The following MICU2 variants were observed in gnomAD, a reference collection of about 807,000 sequenced individuals.
MICU2 encodes the protein calcium uptake protein 2, mitochondrial.
A neutral mutation model predicts 60.4 loss-of-function variants in MICU2; 64 were observed. The ratio of observed to expected loss-of-function variants is 1.06; its 90% CI spans 0.87 to 1.31. The LOEUF is 1.31. MICU2 is among the 50% of genes most tolerant of loss of function. MICU2 has a pLI of 0.00. For missense variants in MICU2, 569 were observed against 531.0 expected (o/e 1.07, Z -0.70); for synonymous variants, 201 against 175.0 (o/e 1.15, Z -1.17).
At chr13:21,598,576 C>T (rs1317768870) in intron 1 of MICU2, among the ~76,000 whole-genome samples, 16 of 152,004 alleles carry the variant, frequency 1.1e-4, no homozygotes, top group African/African-American at 3.9e-4. Context: ...ATTAGCTGGG[C>T]GTGGTGGCAT....
chr13:21,599,616 CAG>C (rs1888770585), intron 1 of MICU2, among the ~76,000 whole-genome samples: 1 of 152,218 alleles, frequency 6.6e-6, no homozygotes, highest in South Asian at 2.1e-4. Context: ...ACTTGCAATT[CAG>C]AGTCTTTACG....
At chr13:21,495,379 T>C in intron 10 of MICU2, 61 bp from the exon 11 acceptor site, 9 of 1,356,948 alleles carry the variant, frequency 6.6e-6, no homozygotes, top group Admixed American at 2.8e-5. Flanking sequence ...GAAATTAATC[T>C]AAATTTTCAT....
At chr13:21,539,798 T>A in intron 2 of MICU2, 110 bp from the exon 3 acceptor site, 2 of 1,015,468 alleles carry the variant, frequency 2.0e-6, no homozygotes, top group Non-Finnish European at 1.4e-6. Flanking sequence ...AATATTTATT[T>A]AAAAAGCAAA....
At chr13:21,530,862 A>G in intron 4 of MICU2, 1 of 740,394 alleles carries the variant, frequency 1.4e-6, no homozygotes, top group South Asian at 1.5e-5. Context: ...GCCTGGACTC[A>G]CCCTCCTACG....
At chr13:21,592,421 T>C (rs1888603682) in intron 1 of MICU2, among the ~76,000 whole-genome samples, 1 of 152,190 alleles carries the variant, frequency 6.6e-6, no homozygotes, top group Non-Finnish European at 1.5e-5. Flanking sequence ...CACAGCTGAA[T>C]TCTACCAGAA....
chr13:21,599,562 G>T (rs1165941853), intron 1 of MICU2, among the ~76,000 whole-genome samples: 1 of 152,202 alleles, frequency 6.6e-6, no homozygotes, highest in East Asian at 1.9e-4. Context: ...TTTCTTTGTA[G>T]GAGGCACTAT....
intron 2 of MICU2, among the ~76,000 whole-genome samples, chr13:21,555,825 C>A (rs1887693910): frequency 6.6e-6 from 1 of 152,088 alleles, no homozygotes; most frequent in African/African-American, 2.4e-5. Context: ...ACAACTTGAC[C>A]AGCTTCCATT....
intron 2 of MICU2, among the ~76,000 whole-genome samples, chr13:21,556,979 G>A (rs1042774159): frequency 2.6e-5 from 4 of 152,084 alleles, no homozygotes; most frequent in Admixed American, 6.6e-5. Flanking sequence ...GGCTAAGTCC[G>A]ACAAGAACAA....
intron 4 of MICU2, among the ~76,000 whole-genome samples, chr13:21,526,115 T>A (rs1712042102): frequency 7.2e-6 from 1 of 138,872 alleles, no homozygotes; most frequent in Admixed American, 7.2e-5. Flanking sequence ...TTAAAATACT[T>A]TTTTTTTTTT....
At chr13:21,509,207 G>A (rs9634371) in intron 8 of MICU2, among the ~76,000 whole-genome samples, 32,352 of 152,088 alleles carry the variant, frequency 0.21, 4,418 homozygotes, top group East Asian at 0.66. Flanking sequence ...TTATCATTGG[G>A]AAGATGGTAG....
chr13:21,502,696 T>C, intron 9 of MICU2: 2 of 419,366 alleles, frequency 4.8e-6, no homozygotes, highest in Non-Finnish European at 8.4e-6. Flanking sequence ...GTAGTGATAC[T>C]TGTCTTATTC....
At chr13:21,517,815 A>G (rs73156605) in intron 6 of MICU2, among the ~76,000 whole-genome samples, 26,982 of 145,836 alleles carry the variant, frequency 0.19, 3,313 homozygotes, top group Non-Finnish European at 0.28. Context: ...GCGCGCGCGC[A>G]CACGCGCTAC....
At chr13:21,575,414 G>A (rs1245786371) in intron 1 of MICU2, among the ~76,000 whole-genome samples, 5 of 135,662 alleles carry the variant, frequency 3.7e-5, no homozygotes, top group South Asian at 2.5e-4. Flanking sequence ...ACTAGGTTTC[G>A]AATGATTAAA....
chr13:21,527,848 G>A (rs908776906), intron 4 of MICU2, among the ~76,000 whole-genome samples: 5 of 152,124 alleles, frequency 3.3e-5, no homozygotes, highest in South Asian at 2.1e-4. Flanking sequence ...TGAGGGAGGC[G>A]CATCTCACTC....
intron 9 of MICU2, among the ~76,000 whole-genome samples, chr13:21,502,528 C>T (rs1886200578): frequency 6.6e-6 from 1 of 152,082 alleles, no homozygotes; most frequent in Admixed American, 6.5e-5. Flanking sequence ...CTTATTGTTT[C>T]TACGGTTTTT....
In MICU2 at chr13:21,520,660, GT is replaced by G. The variant is rs60205345; in HGVS notation, c.597+584del. Among the ~76,000 whole-genome samples, 235 of 144,544 alleles carry G rather than the reference GT, an allele frequency of 1.6e-3. 1 individual carries two copies. Among genetic ancestry groups the G allele is most frequent in the African/African-American group, 5.4e-3 (213 of 39,216 alleles). 94.8% of individuals were successfully genotyped at this position (144,544 alleles called of 152,430 possible). A position where few individuals can be genotyped will look rare whatever the true frequency, so the allele number is the denominator to read the frequency against. The stretch of plus-strand genomic sequence containing the variant: ...TGTTGATGTGCATTGAGGTTTTTTT[GT>G]TTTTTTTTTTTAATATTAGCACCAA... On this transcript the variant is annotated intron_variant, in intron 6 of 11. Transcript: ENST00000382374.
chr13:21,508,422 C>T (rs1886347642), intron 8 of MICU2, among the ~76,000 whole-genome samples: 1 of 152,214 alleles, frequency 6.6e-6, no homozygotes. Flanking sequence ...CCACACCCGG[C>T]CCAAGGCTCT....
At chr13:21,511,443 G>A (rs1886425516) in intron 7 of MICU2, among the ~76,000 whole-genome samples, 1 of 152,050 alleles carries the variant, frequency 6.6e-6, no homozygotes, top group Admixed American at 6.5e-5. Flanking sequence ...ATAACCCAAG[G>A]AACAAATAAG....
At chr13:21,594,635 C>T (rs560413304) in intron 1 of MICU2, among the ~76,000 whole-genome samples, 1 of 152,260 alleles carries the variant, frequency 6.6e-6, no homozygotes, top group Non-Finnish European at 1.5e-5. Context: ...ACCCAAATGC[C>T]CATCAATGAC....
Sources: allele counts gnomAD v4.1 joint callset (sites outside exome capture counted in the v4.1 genomes callset), GRCh38; gene constraint gnomAD v4.1.1; transcripts MANE v1.5; gene names NCBI Gene and HGNC (gene_info 2026-07-23, HGNC 2026-07-21).